The following MRPL42 variants were observed in gnomAD, a reference collection of about 807,000 sequenced individuals.
The protein encoded by MRPL42 is mitochondrial ribosomal protein L42, also known as large ribosomal subunit protein mL42.
Under a neutral mutation model 17.9 loss-of-function variants are expected in MRPL42, and 17 were observed. That is an observed-to-expected ratio of 0.95 (90% CI 0.65 to 1.42). The LOEUF (loss-of-function observed/expected upper bound fraction) is 1.42. MRPL42 is among the 40% of genes most tolerant of loss of function. MRPL42 has a pLI of 0.00. For missense variants in MRPL42, 177 were observed against 175.2 expected, an observed-to-expected ratio of 1.01 and a Z score of -0.06; for synonymous variants, 59 against 54.4, an observed-to-expected ratio of 1.08 and a Z score of -0.37.
chr12:93,499,785 G>T (rs1177354805), intron 5 of MRPL42, among the ~76,000 whole-genome samples: 1 of 152,138 alleles, frequency 6.6e-6, no homozygotes, highest in East Asian at 1.9e-4. Context: ...AATAAAATCA[G>T]TGTATCAGGA....
chr12:93,472,049 C>T (rs1879936055), intron 2 of MRPL42, among the ~76,000 whole-genome samples: 1 of 152,152 alleles, frequency 6.6e-6, no homozygotes, highest in East Asian at 1.9e-4. Flanking sequence ...CACTGGATTT[C>T]CCACTAAGTT....
intron 5 of MRPL42, 194 bp from the exon 6 acceptor site, chr12:93,500,982 T>A (rs1953582432): frequency 4.3e-6 from 2 of 469,950 alleles, no homozygotes; most frequent in Non-Finnish European, 7.6e-6. Context: ...AAAAAAAAAA[T>A]GATTAGGTAA....
rs539975686 is a variant in MRPL42 at position 93,497,735 on chromosome 12, A to G, written c.384-3441A>G. Among the ~76,000 whole-genome samples the G allele has an allele frequency of 2.5e-3, 330 of 129,664 alleles. 1 individual carries two copies. The highest frequency in any genetic ancestry group is 0.011 in the South Asian group (50 of 4,410). 85.1% of individuals were successfully genotyped at this position (129,664 alleles called of 152,430 possible). On this transcript the variant is annotated intron_variant, in intron 5 of 5. Coordinates refer to ENST00000549982, the MANE Select transcript of MRPL42 (RefSeq NM_014050.4). ...TACTGGGGAAGTCCTAGCCAGAGCA[A>G]TCAGGCAAGAAAAAAAAAAAAGGCG...
chr12:93,478,163 C>G (rs555229993), intron 3 of MRPL42, among the ~76,000 whole-genome samples: 2 of 151,676 alleles, frequency 1.3e-5, no homozygotes, highest in Non-Finnish European at 2.9e-5. Flanking sequence ...ACCATGTTGC[C>G]CAGGCTGGTC....
At chr12:93,497,361 A>G (rs543843111) in intron 5 of MRPL42, among the ~76,000 whole-genome samples, 1 of 152,376 alleles carries the variant, frequency 6.6e-6, no homozygotes, top group South Asian at 2.1e-4. Flanking sequence ...ATCTAGCAGC[A>G]CATCAAAAAA....
At position 93,479,482 on chromosome 12, in the gene MRPL42, A is replaced by G. The variant is rs773570246; in HGVS notation, c.219+10A>G. ...ATATGAACACACAAAAGTATGTATG[A>G]GAAAATTTCTTGCAGTTTTTAATTT... On this transcript the variant is annotated intron_variant, in intron 4 of 5. Coordinates refer to ENST00000549982, the MANE Select transcript of MRPL42 (RefSeq NM_014050.4). 1.3e-6 allele frequency: 2 copies of G among 1,588,610 alleles called. No homozygotes were observed. Among genetic ancestry groups the G allele is most frequent in the South Asian group, 2.3e-5 (2 of 88,762 alleles).
Position 93,514,517 on chromosome 12 carries a change from T to A in MRPL42, c.*13296T>A, listed in dbSNP as rs948111345. The A allele has an allele frequency of 6.6e-6, 1 of 152,078 alleles. No individual in the cohort carries two copies. Among genetic ancestry groups the A allele is most frequent in the East Asian group, 1.9e-4 (1 of 5,170 alleles). 9.4% of individuals were successfully genotyped at this position (152,078 alleles called of 1,614,324 possible). On this transcript the variant is annotated 3_prime_UTR_variant, in exon 6 of 6. Transcript: ENST00000549982. The stretch of plus-strand genomic sequence containing the variant: ...AACTCCCGACCTCAGGTGATCTGGC[T>A]GCCTTGGCCTCCCAAAGTGCTGACA...
At chr12:93,486,282 T>G (rs1184144667) in intron 4 of MRPL42, among the ~76,000 whole-genome samples, 1 of 152,226 alleles carries the variant, frequency 6.6e-6, no homozygotes, top group African/African-American at 2.4e-5. Context: ...TGGTGGCATT[T>G]TAGTCACCTG....
At chr12:93,471,181 AT>A (rs975019432) in intron 2 of MRPL42, among the ~76,000 whole-genome samples, 2 of 152,010 alleles carry the variant, frequency 1.3e-5, no homozygotes, top group African/African-American at 4.8e-5. Context: ...ATTTTATTTT[AT>A]TTTTTGAGAC....
In MRPL42 at chr12:93,514,571, A is replaced by G. The variant is rs1953762038; in HGVS notation, c.*13350A>G. The G allele has an allele frequency of 6.6e-6, 1 of 152,090 alleles. No individual in the cohort carries two copies. The highest frequency in any genetic ancestry group is 1.9e-4 in the East Asian group (1 of 5,192). The allele number at this position is 152,090 out of a possible 1,614,324, so 9.4% of individuals were successfully genotyped here. ...CAGGCATGAGCCACTGCACCTGGCC[A>G]TTATTGGACAGTTTTAATGGAAAGT... is the stretch of plus-strand genomic sequence containing the variant. On this transcript the variant is annotated 3_prime_UTR_variant, in exon 6 of 6. Coordinates refer to ENST00000549982, the MANE Select transcript of MRPL42 (RefSeq NM_014050.4).
Position 93,479,441 on chromosome 12 carries a change from C to T in MRPL42, c.188C>T (p.Pro63Leu), listed in dbSNP as rs771737606. 4.3e-6 allele frequency: 7 copies of T among 1,610,600 alleles called. No homozygotes were observed. Among genetic ancestry groups the T allele is most frequent in the African/African-American group, 4.0e-5 (3 of 74,756 alleles). The change falls in exon 4 of 6, where the codon CCT becomes CTT. Residue 63 changes from proline to leucine, a missense_variant. Transcript: ENST00000549982. ...GGCAGGACAATAGTATGCTACCACC[C>T]TTCTGTGGACATTCCATATGAACAC... is the stretch of plus-strand genomic sequence containing the variant. ...SDGRTIVCYHPSVDIPYEHTK... is the reference protein window; with the variant it reads ...SDGRTIVCYHLSVDIPYEHTK...
intron 5 of MRPL42, among the ~76,000 whole-genome samples, chr12:93,495,450 G>T (rs1247048745): frequency 6.6e-6 from 1 of 151,988 alleles, no homozygotes; most frequent in Admixed American, 6.6e-5. Flanking sequence ...GCCCATGCTG[G>T]TCTCCAACTG....
At chr12:93,484,970 A>C in intron 4 of MRPL42, among the ~76,000 whole-genome samples, 1 of 11,528 alleles carries the variant, frequency 8.7e-5, no homozygotes, top group South Asian at 2.1e-3. Flanking sequence ...AAACACACAC[A>C]CACACACACA....
rs1953698352 is a variant in MRPL42 at position 93,508,943 on chromosome 12, T to A, written c.*7722T>A. ...TAGTTCACACCTGTAATCCCAGCAC[T>A]TTAGGAGGCGGAGGTGGGCGGATCA... is the stretch of plus-strand genomic sequence containing the variant. On this transcript the variant is annotated 3_prime_UTR_variant, in exon 6 of 6. Coordinates refer to ENST00000549982, the MANE Select transcript of MRPL42 (RefSeq NM_014050.4). 1 of 152,224 alleles carries A rather than the reference T, an allele frequency of 6.6e-6. No homozygotes were observed. Among genetic ancestry groups the A allele is most frequent in the African/African-American group, 2.4e-5 (1 of 41,424 alleles). 9.4% of individuals were successfully genotyped at this position (152,224 alleles called of 1,614,324 possible).
chr12:93,494,489 C>G (rs1410999539), intron 5 of MRPL42, among the ~76,000 whole-genome samples: 1 of 152,102 alleles, frequency 6.6e-6, no homozygotes, highest in African/African-American at 2.4e-5. Flanking sequence ...GTTTTTGGCC[C>G]AAGCACCTAG....
In MRPL42 at chr12:93,504,401, A is replaced by G. The variant is rs558663336; in HGVS notation, c.*3180A>G. 2 of 152,820 alleles carry G rather than the reference A, an allele frequency of 1.3e-5. No individual in the cohort carries two copies. The highest frequency in any genetic ancestry group is 1.3e-4 in the Admixed American group (2 of 15,290). 9.5% of individuals were successfully genotyped at this position (152,820 alleles called of 1,614,324 possible). On this transcript the variant is annotated 3_prime_UTR_variant, in exon 6 of 6. Transcript: ENST00000549982. The stretch of plus-strand genomic sequence containing the variant: ...AGTGTCCACACACCTTGGCCTCCCA[A>G]AGTGCTGGGTGGGATTATAGGTGTG...
At chr12:93,479,844 C>T (rs1233466799) in intron 4 of MRPL42, among the ~76,000 whole-genome samples, 28 of 149,136 alleles carry the variant, frequency 1.9e-4, no homozygotes, top group East Asian at 7.8e-4. Flanking sequence ...GCTGGGATTA[C>T]AGCTACTTTT....
chr12:93,479,313 C>CAAA (rs34328828), intron 3 of MRPL42, 75 bp from the exon 4 acceptor site: 2,523 of 727,982 alleles, frequency 3.5e-3, no homozygotes, highest in South Asian at 3.9e-3. Context: ...GAGTCCATCT[C>CAAA]AAAAAAAAAA....
chr12:93,494,784 G>A (rs1423639843), intron 5 of MRPL42, among the ~76,000 whole-genome samples: 1 of 152,116 alleles, frequency 6.6e-6, no homozygotes, highest in African/African-American at 2.4e-5. Context: ...TGATTCTTGG[G>A]GCACTCCAAA....
Sources: gnomAD v4.1 joint callset for allele counts (sites outside exome capture counted in the v4.1 genomes callset) on GRCh38, gnomAD v4.1.1 for gene constraint, MANE v1.5 for transcripts, NCBI Gene and HGNC (gene_info 2026-07-23, HGNC 2026-07-21) for gene names.